Variants in MARF1 observed in about 807,000 individuals in gnomAD.
MARF1 encodes the protein limkain-b1.
A neutral mutation model predicts 168.2 loss-of-function variants in MARF1; 24 were observed. The ratio of observed to expected loss-of-function variants is 0.14; its 90% CI spans 0.10 to 0.20. The LOEUF is 0.20. Ranked by LOEUF, MARF1 falls within the 10% of genes least tolerant of loss-of-function variation. The pLI, the probability that MARF1 is intolerant of heterozygous loss-of-function variation, is 1.00. For synonymous variants in MARF1, 868 were observed against 822.4 expected (o/e 1.06, Z -0.95); for missense variants, 1,744 against 2,143.6 (o/e 0.81, Z 3.68).
intron 8 of MARF1, 88 bp from the exon 9 acceptor site, chr16:15,625,261 C>A: frequency 6.4e-7 from 1 of 1,556,534 alleles, no homozygotes; most frequent in South Asian, 1.2e-5. Context: ...CTTTGAGTAT[C>A]ATCAAACACT....
chr16:15,634,212 A>C (rs2035437136), intron 4 of MARF1, among the ~76,000 whole-genome samples: 1 of 152,180 alleles, frequency 6.6e-6, no homozygotes, highest in Admixed American at 6.5e-5. Context: ...CTTAGCCCAC[A>C]CTTATCTACC....
intron 15 of MARF1, 73 bp from the exon 16 acceptor site, chr16:15,616,078 A>T (rs2034022063): frequency 7.9e-7 from 1 of 1,268,786 alleles, no homozygotes; most frequent in East Asian, 2.7e-5. Flanking sequence ...CTTGCTAAAC[A>T]GAAGGCTTTG....
chr16:15,604,914 T>C (rs2151060392), intron 21 of MARF1, among the ~76,000 whole-genome samples: 1 of 152,328 alleles, frequency 6.6e-6, no homozygotes, highest in Middle Eastern at 3.4e-3. Flanking sequence ...GCTGCATTTT[T>C]CTAGTCTGCT....
intron 1 of MARF1, chr16:15,642,594 A>G (rs1160256437): frequency 6.6e-6 from 1 of 151,162 alleles, no homozygotes; most frequent in Non-Finnish European, 1.5e-5. Flanking sequence ...AGCCCTAGAC[A>G]TTGTCAACCC....
At chr16:15,621,441 GC>G in intron 12 of MARF1, 1 of 381,036 alleles carries the variant, frequency 2.6e-6, no homozygotes, top group Non-Finnish European at 4.7e-6. Context: ...GACTTTTCAG[GC>G]TTATAAACTT....
intron 21 of MARF1, 128 bp from the exon 22 acceptor site, chr16:15,604,526 A>G (rs941364094): frequency 3.1e-6 from 2 of 649,102 alleles, no homozygotes; most frequent in Non-Finnish European, 5.3e-6. Context: ...TTTCTCTTAC[A>G]CTGAAATAAA....
In MARF1 at chr16:15,596,849, G is replaced by A. The variant is rs1482359732; in HGVS notation, c.5073C>T (p.Cys1691=). 3 of 1,614,196 alleles carry A rather than the reference G, an allele frequency of 1.9e-6. No individual in the cohort carries two copies. Among genetic ancestry groups the A allele is most frequent in the African/African-American group, 1.3e-5 (1 of 75,052 alleles). The part of the protein sequence containing the change: ...KTLTSDSSSS[C]ISAAVPVPPC... ...GAGGCACGGGGACAGCTGCTGAGAT[G>A]CAGGACGAGCTGGAGTCAGAGGTCA... is the stretch of plus-strand genomic sequence containing the variant. The change falls in exon 27 of 27, where the codon TGC becomes TGT. Residue 1691 remains cysteine (C), a synonymous_variant. Coordinates refer to ENST00000396368, the MANE Select transcript of MARF1 (RefSeq NM_014647.4).
chr16:15,636,846 A>G (rs1325048163), intron 2 of MARF1, among the ~76,000 whole-genome samples: 1 of 152,204 alleles, frequency 6.6e-6, no homozygotes, highest in Non-Finnish European at 1.5e-5. Context: ...CACAGATGAG[A>G]TCAGCCATCT....
At chr16:15,617,018 G>C (rs764675711) in intron 15 of MARF1, 34 bp downstream of exon 15, 1 of 1,597,402 alleles carries the variant, frequency 6.3e-7, no homozygotes, top group Non-Finnish European at 8.5e-7. Flanking sequence ...CAGAACTAGG[G>C]CATTATATCG....
At position 15,633,753 on chromosome 16, in the gene MARF1, G is replaced by A; in HGVS notation, c.1097C>T (p.Ser366Phe). Residue 366 changes from serine (S) to phenylalanine (F), a missense_variant, in exon 5 of 27, where the codon TCT (serine) becomes TTT (phenylalanine). This residue lies in a region of MARF1 where 217 missense variants were observed against 372.4 expected (regional missense o/e 0.58). Transcript: ENST00000396368. Reference protein sequence around the residue: ...FWDIENCSVPSGRSATAVVQR... With the variant: ...FWDIENCSVPFGRSATAVVQR... Reference sequence around the variant, plus strand: ...CACAACAGCAGTTGCTGACCGGCCAGAGGGAACGGAGCAGTTTTCAATATC... The same window carrying A: ...CACAACAGCAGTTGCTGACCGGCCAAAGGGAACGGAGCAGTTTTCAATATC... 6.2e-7 allele frequency: 1 copy of A among 1,614,116 alleles called. No individual in the cohort carries two copies. Among genetic ancestry groups the A allele is most frequent in the African/African-American group, 1.3e-5 (1 of 74,996 alleles).
intron 18 of MARF1, 34 bp downstream of exon 18, chr16:15,611,558 T>C (rs781227248): frequency 6.3e-6 from 10 of 1,595,590 alleles, no homozygotes; most frequent in Non-Finnish European, 6.9e-6. Flanking sequence ...TCCTAAAATA[T>C]TTACTTTCAT....
At chr16:15,611,222 G>A in intron 18 of MARF1, 114 bp from the exon 19 acceptor site, 2 of 995,130 alleles carry the variant, frequency 2.0e-6, no homozygotes, top group Non-Finnish European at 3.0e-6. Flanking sequence ...ACTTTGGGAG[G>A]CCGAGGTGGA....
At chr16:15,613,035 A>G (rs1365042215) in intron 16 of MARF1, among the ~76,000 whole-genome samples, 1 of 152,216 alleles carries the variant, frequency 6.6e-6, no homozygotes, top group Non-Finnish European at 1.5e-5. Context: ...AGAGTCTACT[A>G]TAGTGTTATT....
chr16:15,615,554 G>A (rs1041113937), intron 16 of MARF1, among the ~76,000 whole-genome samples: 1 of 152,150 alleles, frequency 6.6e-6, no homozygotes, highest in Non-Finnish European at 1.5e-5. Flanking sequence ...GAACCCGGGA[G>A]GCAGAGGTTG....
intron 16 of MARF1, 99 bp downstream of exon 16, chr16:15,615,731 C>T (rs2033993458): frequency 1.1e-6 from 1 of 907,230 alleles, no homozygotes; most frequent in African/African-American, 1.7e-5. Flanking sequence ...TGTTTTCACA[C>T]TTGGCAAATT....
rs1000985855 is a variant in MARF1 at position 15,625,915 on chromosome 16, G to T, written c.1525-115C>A. The stretch of plus-strand genomic sequence containing the variant: ...CAGTTAACAACTTTGAAGAGAAGAT[G>T]ACAGTGATTTAGATGGGAGAGGGTA... On this transcript the variant is annotated intron_variant, in intron 7 of 26. Coordinates refer to ENST00000396368, the MANE Select transcript of MARF1 (RefSeq NM_014647.4). 4.0e-6 allele frequency: 3 copies of T among 759,414 alleles called. No homozygotes were observed. The African/African-American group carries it at 5.2e-5, about 13-fold the overall frequency. The allele number at this position is 759,414 out of a possible 1,614,324, so 47.0% of individuals were successfully genotyped here. A position where few individuals can be genotyped will look rare whatever the true frequency, so the allele number is the denominator to read the frequency against.
chr16:15,612,513 G>A, intron 17 of MARF1, 44 bp downstream of exon 17: 3 of 1,524,706 alleles, frequency 2.0e-6, no homozygotes, highest in East Asian at 2.3e-5. Flanking sequence ...AGCCATGGAG[G>A]AACATTCCTG....
intron 3 of MARF1, chr16:15,635,326 C>T (rs2035512856): frequency 2.4e-6 from 1 of 413,810 alleles, no homozygotes; most frequent in Non-Finnish European, 4.3e-6. Context: ...CATGAATGGG[C>T]CCATGTGTAA....
Position 15,617,099 on chromosome 16 carries a change from C to T in MARF1, c.3030G>A (p.Gln1010=). The T allele has an allele frequency of 6.2e-7, 1 of 1,614,168 alleles. No individual in the cohort carries two copies. Among genetic ancestry groups the T allele is most frequent in the South Asian group, 1.1e-5 (1 of 91,086 alleles). Residue 1010 remains glutamine (Q), a synonymous_variant, in exon 15 of 27, where the codon CAG becomes CAA. Coordinates refer to ENST00000396368, the MANE Select transcript of MARF1 (RefSeq NM_014647.4). ...VILSLKTFAP[Q]VHSLLQTHEG... is the part of the protein sequence containing the mutation. The stretch of plus-strand genomic sequence containing the variant: ...CGTGGGTCTGGAGAAGACTGTGAAC[C>T]TGGGGCGCAAATGTCTTCAAAGAAA...
Sources: allele counts gnomAD v4.1 joint callset (sites outside exome capture counted in the v4.1 genomes callset), GRCh38; gene constraint gnomAD v4.1.1; regional missense constraint gnomAD v4.1.1; transcripts MANE v1.5; gene names NCBI Gene and HGNC (gene_info 2026-07-23, HGNC 2026-07-21).